The following C9orf153 variants were observed in gnomAD, a reference collection of about 807,000 sequenced individuals.
C9orf153 encodes uncharacterized protein C9orf153.
A neutral mutation model predicts 9.0 loss-of-function variants in C9orf153; 10 were observed. That is an observed-to-expected ratio of 1.11 (90% CI 0.69 to 1.89). The LOEUF (loss-of-function observed/expected upper bound fraction) is 1.89, where lower values mean the gene tolerates loss of function less well. C9orf153 is among the 40% of genes most tolerant of loss of function. C9orf153 has a pLI of 0.00. For missense variants in C9orf153, 108 were observed against 111.0 expected, an observed-to-expected ratio of 0.97 and a Z score of 0.12; for synonymous variants, 35 against 37.3, an observed-to-expected ratio of 0.94 and a Z score of 0.23.
chr9:86,252,026 C>CAA (rs1825008008), intron 1 of C9orf153, among the ~76,000 whole-genome samples: 1 of 151,110 alleles, frequency 6.6e-6, no homozygotes, highest in Non-Finnish European at 1.5e-5. Flanking sequence ...GTTATTTGGT[C>CAA]TTTTTTGTTT....
intron 1 of C9orf153, among the ~76,000 whole-genome samples, chr9:86,246,574 T>A (rs574074253): frequency 2.3e-4 from 35 of 152,336 alleles, no homozygotes; most frequent in Middle Eastern, 3.4e-3. Context: ...TAATTTTTTT[T>A]AAATCTCATT....
chr9:86,239,604 C>T (rs1241237832), intron 1 of C9orf153, among the ~76,000 whole-genome samples: 1 of 152,186 alleles, frequency 6.6e-6, no homozygotes, highest in Non-Finnish European at 1.5e-5. Context: ...CAAACCCTTA[C>T]AGCCTGCCTG....
At chr9:86,228,105 G>GA (rs1001913458) in intron 2 of C9orf153, 75 bp from the exon 3 acceptor site, 14 of 1,078,392 alleles carry the variant, frequency 1.3e-5, no homozygotes, top group African/African-American at 1.1e-4. Flanking sequence ...ACAAACCCTA[G>GA]AAAAAACCAT....
At chr9:86,240,587 A>G (rs1240670550) in intron 1 of C9orf153, among the ~76,000 whole-genome samples, 2 of 151,968 alleles carry the variant, frequency 1.3e-5, no homozygotes, top group Non-Finnish European at 2.9e-5. Flanking sequence ...CATGTTGGCC[A>G]GGCTGGTCTT....
intron 1 of C9orf153, among the ~76,000 whole-genome samples, chr9:86,250,946 T>C (rs993800568): frequency 3.3e-5 from 5 of 152,188 alleles, no homozygotes; most frequent in Non-Finnish European, 7.3e-5. Flanking sequence ...GAAGTGGCTA[T>C]TCACAGATGC....
intron 3 of C9orf153, chr9:86,227,349 G>T (rs78503535): frequency 2.0e-6 from 3 of 1,492,436 alleles, no homozygotes; most frequent in Non-Finnish European, 9.0e-7. Context: ...ATTTATTTTT[G>T]GAGATGGGGT....
At chr9:86,242,830 C>G (rs1824778140) in intron 1 of C9orf153, among the ~76,000 whole-genome samples, 1 of 152,120 alleles carries the variant, frequency 6.6e-6, no homozygotes, top group Non-Finnish European at 1.5e-5. Context: ...AAGTACCCAC[C>G]ACCACGCCCA....
intron 3 of C9orf153, chr9:86,227,173 G>C: frequency 1.8e-6 from 1 of 559,394 alleles, no homozygotes; most frequent in Non-Finnish European, 2.6e-6. Flanking sequence ...TAGAGACAGG[G>C]TCTTGCTCTG....
At chr9:86,253,902 T>C (rs146589460) in intron 1 of C9orf153, among the ~76,000 whole-genome samples, 161 of 152,138 alleles carry the variant, frequency 1.1e-3, no homozygotes, top group Non-Finnish European at 1.1e-3. Context: ...CTATCCTGGC[T>C]AACATGATGA....
intron 1 of C9orf153, among the ~76,000 whole-genome samples, chr9:86,242,867 C>T (rs1363643165): frequency 6.6e-6 from 1 of 152,064 alleles, no homozygotes; most frequent in South Asian, 2.1e-4. Flanking sequence ...TTAGTAGAGA[C>T]GGGGTTTCAC....
chr9:86,227,740 C>T, intron 3 of C9orf153, 115 bp downstream of exon 3: 1 of 1,440,212 alleles, frequency 6.9e-7, no homozygotes, highest in East Asian at 2.5e-5. Context: ...CACACTGTGA[C>T]AGCCTCTGCT....
chr9:86,241,501 A>C (rs1824743047), intron 1 of C9orf153, among the ~76,000 whole-genome samples: 1 of 152,256 alleles, frequency 6.6e-6, no homozygotes, highest in Admixed American at 6.5e-5. Flanking sequence ...TCATGATTGT[A>C]GCAAGAGAAA....
chr9:86,250,964 GCT>G (rs1824981874), intron 1 of C9orf153, among the ~76,000 whole-genome samples: 3 of 152,172 alleles, frequency 2.0e-5, no homozygotes, highest in Admixed American at 1.3e-4. Context: ...TGCAGTCATA[GCT>G]CATAGCAGCC....
At position 86,251,284 on chromosome 9, in the gene C9orf153, T is replaced by C. The variant is rs547003600; in HGVS notation, c.-27+8266A>G. Among the ~76,000 whole-genome samples, 6 of 152,354 alleles carry C rather than the reference T, an allele frequency of 3.9e-5. No homozygotes were observed. In the South Asian group the frequency reaches 1.2e-3, roughly 32 times the overall value. On this transcript the variant is annotated intron_variant, in intron 1 of 3. Coordinates refer to ENST00000339137, the MANE Select transcript of C9orf153 (RefSeq NM_001276366.4). ...CTTCCTATTTTAGAGAAATAAAACT[T>C]ATTTAGATCTGTTAGTAAATATGTC...
chr9:86,250,205 G>A (rs894048939), intron 1 of C9orf153, among the ~76,000 whole-genome samples: 1 of 152,108 alleles, frequency 6.6e-6, no homozygotes. Context: ...TTTAAACTTT[G>A]TTTTTCTTTT....
At chr9:86,234,874 GA>G (rs1203811794) in intron 1 of C9orf153, among the ~76,000 whole-genome samples, 1 of 152,174 alleles carries the variant, frequency 6.6e-6, no homozygotes, top group Non-Finnish European at 1.5e-5. Flanking sequence ...CAACCCAGCT[GA>G]AATATGGGCA....
chr9:86,241,433 G>A lies in C9orf153; in HGVS notation c.-26-11804C>T, dbSNP rs150671313. On this transcript the variant is annotated intron_variant, in intron 1 of 3. Coordinates refer to ENST00000339137, the MANE Select transcript of C9orf153 (RefSeq NM_001276366.4). ...AGAATAGCTTTGGTTGTGGGAGGGA[G>A]ATTGTTATCAAACTGAACTTGGGTC... 6.6e-5 allele frequency among the ~76,000 whole-genome samples: 10 copies of A among 152,298 alleles called. No individual in the cohort carries two copies. In the East Asian group the frequency reaches 1.9e-3, roughly 29 times the overall value.
chr9:86,250,877 T>A (rs1824979733), intron 1 of C9orf153, among the ~76,000 whole-genome samples: 1 of 152,228 alleles, frequency 6.6e-6, no homozygotes, highest in Non-Finnish European at 1.5e-5. Flanking sequence ...GGCATACAAA[T>A]TTTTAATCTT....
chr9:86,226,614 T>C (rs1824340615), intron 3 of C9orf153, among the ~76,000 whole-genome samples: 1 of 152,182 alleles, frequency 6.6e-6, no homozygotes, highest in Non-Finnish European at 1.5e-5. Flanking sequence ...AAGAAACTGC[T>C]TCAGAGGGTT....
Sources: allele counts gnomAD v4.1 joint callset (sites outside exome capture counted in the v4.1 genomes callset), GRCh38; gene constraint gnomAD v4.1.1; transcripts MANE v1.5; gene names NCBI Gene and HGNC (gene_info 2026-07-23, HGNC 2026-07-21).